The following SMAD4 variants were observed in gnomAD, a reference collection of about 807,000 sequenced individuals.
SMAD4 encodes SMAD family member 4.
A neutral mutation model predicts 63.2 loss-of-function variants in SMAD4; 7 were observed. The ratio of observed to expected loss-of-function variants is 0.11; its 90% CI spans 0.06 to 0.21. SMAD4 has a LOEUF of 0.21. SMAD4 is among the 10% of genes least tolerant of loss of function. The pLI, the probability that SMAD4 is intolerant of heterozygous loss-of-function variation, is 1.00. For synonymous variants in SMAD4, 215 were observed against 235.4 expected, an observed-to-expected ratio of 0.91 and a Z score of 0.79; for missense variants, 312 against 693.8, an observed-to-expected ratio of 0.45 and a Z score of 6.18.
Position 51,072,231 on chromosome 18 carries a change from A to G in SMAD4, c.1309-4407A>G, listed in dbSNP as rs561987233. ...TCACTAGCAGGGTGTGAGGGTTCCA[A>G]TTTCTCTACATTCTCATCAGTACTT... is the stretch of plus-strand genomic sequence containing the variant. On this transcript the variant is annotated intron_variant, in intron 10 of 11. Coordinates refer to ENST00000342988, the MANE Select transcript of SMAD4 (RefSeq NM_005359.6). Among the ~76,000 whole-genome samples, 23 of 152,282 alleles carry G rather than the reference A, an allele frequency of 1.5e-4. No individual in the cohort carries two copies. In the South Asian group the frequency reaches 3.1e-3, roughly 21 times the overall value.
rs2144489011 is a variant in SMAD4, at chr18:51,083,607, G to A, written c.*5140G>A. On this transcript the variant is annotated 3_prime_UTR_variant, in exon 12 of 12. Transcript: ENST00000342988. ...GCCAGTGTTCTTGTTCAACCTGAAA[G>A]TAATGGCTCTGGGTTGGGCCAGACA... The A allele has an allele frequency of 4.4e-6, 1 of 228,244 alleles. No homozygotes were observed. Among genetic ancestry groups the A allele is most frequent in the South Asian group, 1.8e-4 (1 of 5,486 alleles). 14.1% of individuals were successfully genotyped at this position (228,244 alleles called of 1,614,324 possible). A position where few individuals can be genotyped will look rare whatever the true frequency, so the allele number is the denominator to read the frequency against.
chr18:51,044,309 G>A (rs1047973695), intron 1 of SMAD4, among the ~76,000 whole-genome samples: 4 of 152,048 alleles, frequency 2.6e-5, no homozygotes, highest in African/African-American at 4.8e-5. Flanking sequence ...CATGCCTGGC[G>A]AACCTCCTAC....
rs1910539103 is a variant in SMAD4, at chr18:51,078,879, A to ATG, written c.*414_*415dup. On this transcript the variant is annotated 3_prime_UTR_variant, in exon 12 of 12. Coordinates refer to ENST00000342988, the MANE Select transcript of SMAD4 (RefSeq NM_005359.6). ...AGAAGTTCTCAAAGTTAATTCACCT[A>ATG]TGTTATTTTGTGTACAAGTTGTTAT... 1 of 245,252 alleles carries ATG rather than the reference A, an allele frequency of 4.1e-6. No homozygotes were observed. Among genetic ancestry groups the ATG allele is most frequent in the Non-Finnish European group, 8.0e-6 (1 of 125,004 alleles). 15.2% of individuals were successfully genotyped at this position (245,252 alleles called of 1,614,324 possible).
chr18:51,055,687 A>G (rs1373377448), intron 5 of SMAD4, among the ~76,000 whole-genome samples: 1 of 152,016 alleles, frequency 6.6e-6, no homozygotes, highest in African/African-American at 2.4e-5. Context: ...CTGCTTGGCA[A>G]ATGAAGTAGC....
chr18:51,054,361 A>G, intron 4 of SMAD4: 1 of 210,336 alleles, frequency 4.8e-6, no homozygotes, highest in Non-Finnish European at 9.8e-6. Context: ...TAACAAAAAG[A>G]TATAGTTAAA....
chr18:51,060,525 A>G (rs1909979391), intron 8 of SMAD4, among the ~76,000 whole-genome samples: 2 of 152,230 alleles, frequency 1.3e-5, no homozygotes, highest in Admixed American at 1.3e-4. Flanking sequence ...TTTTCTTAGC[A>G]TAAAAAGATG....
intron 10 of SMAD4, among the ~76,000 whole-genome samples, chr18:51,070,980 A>G (rs1454882975): frequency 1.3e-5 from 2 of 152,138 alleles, no homozygotes; most frequent in African/African-American, 4.8e-5. Context: ...TGAGGTATGT[A>G]TGTATAGGAA....
intron 1 of SMAD4, among the ~76,000 whole-genome samples, chr18:51,038,871 A>G (rs992027272): frequency 3.3e-5 from 5 of 152,202 alleles, no homozygotes; most frequent in East Asian, 1.9e-4. Context: ...CATAAAAGCT[A>G]TTTGGTGTCT....
rs1414929085 is a variant in SMAD4, at chr18:51,083,896, G to C, written c.*5429G>C. On this transcript the variant is annotated 3_prime_UTR_variant, in exon 12 of 12. Coordinates refer to ENST00000342988, the MANE Select transcript of SMAD4 (RefSeq NM_005359.6). Reference sequence around the variant, plus strand: ...AGACTAGGCTTGATATTTTATTACTGTTCTTTTATGGACAAAAGGTTACAT... The same window carrying C: ...AGACTAGGCTTGATATTTTATTACTCTTCTTTTATGGACAAAAGGTTACAT... 1.3e-5 allele frequency: 3 copies of C among 230,636 alleles called. No homozygotes were observed. The highest frequency in any genetic ancestry group is 1.1e-4 in the Admixed American group (2 of 17,672). 14.3% of individuals were successfully genotyped at this position (230,636 alleles called of 1,614,324 possible).
intron 10 of SMAD4, among the ~76,000 whole-genome samples, chr18:51,070,820 T>C (rs1224407348): frequency 6.6e-6 from 1 of 152,142 alleles, no homozygotes; most frequent in Admixed American, 6.6e-5. Flanking sequence ...GGTCTCACAG[T>C]GCTTGTCATC....
chr18:51,074,596 G>T (rs567177933), intron 10 of SMAD4, among the ~76,000 whole-genome samples: 2 of 152,302 alleles, frequency 1.3e-5, no homozygotes, highest in East Asian at 3.9e-4. Flanking sequence ...GGAAGGTTGG[G>T]TGTGGGGACA....
chr18:51,060,209 A>G (rs1243277559), intron 8 of SMAD4, among the ~76,000 whole-genome samples: 2 of 152,236 alleles, frequency 1.3e-5, no homozygotes, highest in Non-Finnish European at 2.9e-5. Flanking sequence ...GAATAAAACT[A>G]GGTTTCAAAA....
At position 51,083,482 on chromosome 18, in the gene SMAD4, TAAGGA is replaced by T. The variant is rs1482790049; in HGVS notation, c.*5016_*5020del. On this transcript the variant is annotated 3_prime_UTR_variant, in exon 12 of 12. Coordinates refer to ENST00000342988, the MANE Select transcript of SMAD4 (RefSeq NM_005359.6). ...TTCTGTTTTTTTTTTTCTAATGTAG[TAAGGA>T]CTAAGGAAAACCTTTGGTGAAGACA... 2 of 227,740 alleles carry T rather than the reference TAAGGA, an allele frequency of 8.8e-6. No individual in the cohort carries two copies. Among genetic ancestry groups the T allele is most frequent in the Admixed American group, 5.7e-5 (1 of 17,552 alleles). 14.1% of individuals were successfully genotyped at this position (227,740 alleles called of 1,614,324 possible).
rs747360831 is a variant in SMAD4 at position 51,065,506 on chromosome 18, A to G, written c.1039A>G (p.Ile347Val). ...ATTTAAGGTTCCTTCAAGCTGCCCT[A>G]TTGTTACTGTTGATGGATACGTGGA... ...ETFKVPSSCP[I>V]VTVDGYVDPS... Residue 347 changes from isoleucine (I) to valine (V), a missense_variant, in exon 9 of 12, where the codon ATT becomes GTT. Physicochemically the swap from Ile to Val is conservative, Grantham distance 29. Transcript: ENST00000342988. The G allele has an allele frequency of 1.4e-5, 22 of 1,613,952 alleles. No homozygotes were observed. Among genetic ancestry groups the G allele is most frequent in the South Asian group, 7.7e-5 (7 of 91,082 alleles).
chr18:51,032,067 G>GTAA (rs1230685735), intron 1 of SMAD4, among the ~76,000 whole-genome samples: 1 of 152,192 alleles, frequency 6.6e-6, no homozygotes, highest in Non-Finnish European at 1.5e-5. Flanking sequence ...CAGAACAAAT[G>GTAA]TAATAGAGAT....
intron 7 of SMAD4, among the ~76,000 whole-genome samples, chr18:51,058,762 G>A (rs929490705): frequency 2.0e-5 from 3 of 151,968 alleles, no homozygotes; most frequent in Non-Finnish European, 2.9e-5. Flanking sequence ...TCTGTGTCTT[G>A]TATATCCACG....
chr18:51,063,716 A>G (rs1471834829), intron 8 of SMAD4, among the ~76,000 whole-genome samples: 1 of 152,192 alleles, frequency 6.6e-6, no homozygotes, highest in Non-Finnish European at 1.5e-5. Flanking sequence ...CCCGGCTGAA[A>G]ATAATTTCAT....
At chr18:51,048,619 A>C (rs1909615162) in intron 2 of SMAD4, 67 bp from the exon 3 acceptor site, 1 of 1,384,004 alleles carries the variant, frequency 7.2e-7, no homozygotes. Flanking sequence ...TGTGAGGATT[A>C]AATCAGAATA....
At chr18:51,040,955 T>G (rs1457437435) in intron 1 of SMAD4, among the ~76,000 whole-genome samples, 1 of 152,256 alleles carries the variant, frequency 6.6e-6, no homozygotes, top group East Asian at 1.9e-4. Flanking sequence ...TTGAGTTATC[T>G]AGAAATGGGT....
Sources: allele counts gnomAD v4.1 joint callset (sites outside exome capture counted in the v4.1 genomes callset), GRCh38; gene constraint gnomAD v4.1.1; transcripts MANE v1.5; gene names NCBI Gene and HGNC (gene_info 2026-07-23, HGNC 2026-07-21).